IFT81: variants seen among roughly 807,000 people sequenced by gnomAD.
The protein encoded by IFT81 is intraflagellar transport 81.
IFT81 carries 72 observed loss-of-function variants against 102.6 expected under a neutral mutation model. That is an observed-to-expected ratio of 0.70 (90% CI 0.58 to 0.85). The LOEUF (loss-of-function observed/expected upper bound fraction) is 0.85. Ranked by LOEUF, IFT81 falls within the 40% of genes least tolerant of loss-of-function variation. The pLI is 0.00. For missense variants in IFT81, 723 were observed against 787.3 expected, an observed-to-expected ratio of 0.92 and a Z score of 0.98; for synonymous variants, 237 against 242.7, an observed-to-expected ratio of 0.98 and a Z score of 0.22.
At chr12:110,191,278 C>T (rs981249021) in intron 13 of IFT81, among the ~76,000 whole-genome samples, 1 of 151,526 alleles carries the variant, frequency 6.6e-6, no homozygotes, top group Admixed American at 6.6e-5. Context: ...TCAAGTGATT[C>T]TCATGCCTCA....
At chr12:110,140,498 T>C (rs976225667) in intron 8 of IFT81, among the ~76,000 whole-genome samples, 1 of 152,078 alleles carries the variant, frequency 6.6e-6, no homozygotes, top group African/African-American at 2.4e-5. Context: ...AATTAGAAAC[T>C]TTTTTTTAAA....
In IFT81 at chr12:110,144,184, T is replaced by C. The variant is rs567665896; in HGVS notation, c.945+639T>C. Reference sequence around the variant, plus strand: ...CGAACCACCATGCCCGGCTAATTTTTTGTTGTTGTTGTTGTTTTTGTTGTT... The same window carrying C: ...CGAACCACCATGCCCGGCTAATTTTCTGTTGTTGTTGTTGTTTTTGTTGTT... On this transcript the variant is annotated intron_variant, in intron 9 of 18. Transcript: ENST00000242591. Among the ~76,000 whole-genome samples the C allele has an allele frequency of 3.4e-3, 510 of 151,510 alleles. 4 individuals are homozygous for C. The highest frequency in any genetic ancestry group is 6.6e-3 in the Admixed American group (101 of 15,228).
chr12:110,177,424 G>A (rs1231932821), intron 11 of IFT81, among the ~76,000 whole-genome samples: 2 of 151,940 alleles, frequency 1.3e-5, no homozygotes, highest in East Asian at 1.9e-4. Flanking sequence ...CTGGGATTAC[G>A]GGCACACACC....
At chr12:110,172,277 A>T (rs1307521276) in intron 11 of IFT81, among the ~76,000 whole-genome samples, 2 of 151,938 alleles carry the variant, frequency 1.3e-5, no homozygotes, top group Non-Finnish European at 2.9e-5. Flanking sequence ...TAAAAATAGA[A>T]AAATTTGCCT....
chr12:110,177,507 C>T (rs1020495866), intron 11 of IFT81, among the ~76,000 whole-genome samples: 2 of 152,306 alleles, frequency 1.3e-5, no homozygotes, highest in East Asian at 3.9e-4. Flanking sequence ...TGGTCTCAAA[C>T]TCCTGAGCTC....
At chr12:110,200,443 A>T (rs1898208456) in intron 14 of IFT81, among the ~76,000 whole-genome samples, 1 of 152,148 alleles carries the variant, frequency 6.6e-6, no homozygotes, top group South Asian at 2.1e-4. Context: ...GGTATAAAAG[A>T]TTTAAAATGG....
chr12:110,152,361 G>T (rs997340260), intron 10 of IFT81, among the ~76,000 whole-genome samples: 1 of 152,146 alleles, frequency 6.6e-6, no homozygotes, highest in Non-Finnish European at 1.5e-5. Context: ...CAGTTGTGAG[G>T]TGATAGCTCA....
chr12:110,200,351 A>G (rs1247022728), intron 14 of IFT81, among the ~76,000 whole-genome samples: 2 of 152,228 alleles, frequency 1.3e-5, no homozygotes, highest in African/African-American at 4.8e-5. Flanking sequence ...ACTATACTGA[A>G]TACTGTAGGC....
At chr12:110,168,049 G>T (rs1896535227) in intron 11 of IFT81, 3 of 163,740 alleles carry the variant, frequency 1.8e-5, no homozygotes, top group African/African-American at 7.2e-5. Context: ...TTGTAGAGAT[G>T]TGGTCTCACT....
intron 14 of IFT81, among the ~76,000 whole-genome samples, chr12:110,200,121 G>A (rs1270670707): frequency 6.6e-6 from 1 of 152,140 alleles, no homozygotes; most frequent in Non-Finnish European, 1.5e-5. Flanking sequence ...TTCAGCTTGG[G>A]ATCTGAAAGG....
chr12:110,136,857 GA>G lies in IFT81; in HGVS notation c.781del (p.Ser261ValfsTer2), dbSNP rs1051212846. 1.3e-6 allele frequency: 2 copies of G among 1,595,914 alleles called. No homozygotes were observed. The highest frequency in any genetic ancestry group is 1.7e-6 in the Non-Finnish European group (2 of 1,165,418). On this transcript the variant is annotated frameshift_variant and splice_region_variant, in exon 8 of 19. Coordinates refer to ENST00000242591, the MANE Select transcript of IFT81 (RefSeq NM_014055.4). LOFTEE classifies it high-confidence loss of function. ...CCAAGCTGCAGCAGATGCAAAGCCTGAAAGTAAGTGGAAATTATTATATGGT... is the reference window on the plus strand; with the variant it reads ...CCAAGCTGCAGCAGATGCAAAGCCTGAAGTAAGTGGAAATTATTATATGGT... ...MRQAAADAKPESLMKRLEEEI... is the reference protein window; with the variant it reads ...MRQAAADAKPXSLMKRLEEEI...
chr12:110,195,326 A>G lies in IFT81; in HGVS notation c.1557+2620A>G, dbSNP rs374343393. Among the ~76,000 whole-genome samples, 10 of 152,240 alleles carry G rather than the reference A, an allele frequency of 6.6e-5. No homozygotes were observed. In the East Asian group the frequency reaches 1.3e-3, roughly 21 times the overall value. ...GCATCTATTAATCCCCACTGTGAGA[A>G]GTCATGAAATTGATATATTTCTTGT... On this transcript the variant is annotated intron_variant, in intron 14 of 18. Transcript: ENST00000242591.
Position 110,129,165 on chromosome 12 carries a change from A to G in IFT81, c.429+35A>G, listed in dbSNP as rs149237617. The stretch of plus-strand genomic sequence containing the variant: ...ACATAAATGGTACATTGAAACTGTA[A>G]TGGATTTCAAGGTGTATATATTCAA... On this transcript the variant is annotated intron_variant, in intron 4 of 18. Transcript: ENST00000242591. The G allele has an allele frequency of 1.1e-4, 153 of 1,452,204 alleles. 1 individual carries two copies. In the African/African-American group the frequency reaches 1.8e-3, roughly 17 times the overall value. 90.0% of individuals were successfully genotyped at this position (1,452,204 alleles called of 1,614,324 possible).
chr12:110,167,399 A>G (rs889947947), intron 11 of IFT81, among the ~76,000 whole-genome samples: 2 of 152,184 alleles, frequency 1.3e-5, no homozygotes, highest in Non-Finnish European at 2.9e-5. Context: ...ACATTTTCCT[A>G]CCCATCCAGT....
At chr12:110,183,078 T>C (rs1473462347) in intron 12 of IFT81, among the ~76,000 whole-genome samples, 1 of 152,216 alleles carries the variant, frequency 6.6e-6, no homozygotes. Context: ...CCAGATAGTG[T>C]AGTATGTGGT....
At chr12:110,190,456 C>T (rs1300955014) in intron 12 of IFT81, among the ~76,000 whole-genome samples, 2 of 152,122 alleles carry the variant, frequency 1.3e-5, no homozygotes, top group Admixed American at 6.6e-5. Flanking sequence ...TACTTATTTA[C>T]ATATTGCTTA....
chr12:110,166,256 A>T (rs1354923256), intron 11 of IFT81, among the ~76,000 whole-genome samples: 1 of 152,262 alleles, frequency 6.6e-6, no homozygotes, highest in Non-Finnish European at 1.5e-5. Context: ...TTCACAGCTT[A>T]AAAGTTGAAA....
chr12:110,139,866 T>TAAAAAATAAAATAAA, intron 8 of IFT81, among the ~76,000 whole-genome samples: 1 of 130,080 alleles, frequency 7.7e-6, no homozygotes, highest in African/African-American at 3.1e-5. Flanking sequence ...TAAAATAAAA[T>TAAAAAATAAAATAAA]ATAAAATAAA....
intron 18 of IFT81, among the ~76,000 whole-genome samples, chr12:110,213,182 T>C (rs1869686717): frequency 6.6e-6 from 1 of 152,200 alleles, no homozygotes; most frequent in Admixed American, 6.6e-5. Context: ...ATCAGGATCC[T>C]AATAAGAGTC....
Sources: allele counts gnomAD v4.1 joint callset (sites outside exome capture counted in the v4.1 genomes callset), GRCh38; gene constraint gnomAD v4.1.1; transcripts MANE v1.5; gene names NCBI Gene and HGNC (gene_info 2026-07-23, HGNC 2026-07-21).